SIGIRR: variants seen among roughly 807,000 people sequenced by gnomAD.
The protein encoded by SIGIRR is single Ig IL-1-related receptor.
In SIGIRR, 41 loss-of-function variants were observed where a neutral mutation model predicts 45.6. That is an observed-to-expected ratio of 0.90 (90% confidence interval 0.70 to 1.17). The LOEUF (loss-of-function observed/expected upper bound fraction) is 1.17, where lower values mean the gene tolerates loss of function less well. Among genes scored for constraint, SIGIRR ranks in the 50% most tolerant of loss-of-function variants. SIGIRR has a pLI of 0.00. For missense variants in SIGIRR, 599 were observed against 539.6 expected (o/e 1.11, Z -1.09); for synonymous variants, 298 against 239.0 (o/e 1.25, Z -2.28).
Position 405,871 on chromosome 11 carries a change from A to G in SIGIRR, c.*25T>C, listed in dbSNP as rs376867377. On this transcript the variant is annotated 3_prime_UTR_variant, in exon 10 of 10. Transcript: ENST00000431843. Reference sequence around the variant, plus strand: ...CGCTGCCCTGGCCCCCGCTGTCCCTATGATCCTGCACTCTGGGGTGGGAGC... The same window carrying G: ...CGCTGCCCTGGCCCCCGCTGTCCCTGTGATCCTGCACTCTGGGGTGGGAGC... 8.5e-5 allele frequency: 134 copies of G among 1,569,680 alleles called. 1 individual carries two copies. Among genetic ancestry groups the G allele is most frequent in the Middle Eastern group, 1.7e-4 (1 of 5,860 alleles).
In SIGIRR at chr11:406,908, C is replaced by T. The variant is rs529255062; in HGVS notation, c.814G>A (p.Ala272Thr). The T allele has an allele frequency of 8.7e-5, 139 of 1,592,050 alleles. 2 individuals are homozygous for T. In the South Asian group the frequency reaches 1.5e-3, roughly 17 times the overall value. ...EGQRRDPAHP[A>T]LRLLRQHRHL... ...CGGTGCTGGCGCAGCAGGCGGAGCG[C>T]CGGGTGCGCGGGGTCGCGCCTCTGG... The change falls in exon 8 of 10, where the codon GCG becomes ACG. Residue 272 changes from alanine to threonine, a missense_variant. Transcript: ENST00000431843.
Position 407,525 on chromosome 11 carries a change from G to C in SIGIRR, c.525C>G (p.Pro175=), listed in dbSNP as rs201992147. 6 of 1,608,908 alleles carry C rather than the reference G, an allele frequency of 3.7e-6. No individual in the cohort carries two copies. The highest frequency in any genetic ancestry group is 3.4e-5 in the Admixed American group (2 of 59,660). ...TGAAGTTCACGAACTTGCGGTCCTC[G>C]GGGCAGTCGCTGTAGGAGACGTAGG... ...YDAYVSYSDC[P]EDRKFVNFIL... is the part of the protein sequence containing the mutation. Residue 175 remains proline, a synonymous_variant, in exon 6 of 10, where the codon CCC becomes CCG. Coordinates refer to ENST00000431843, the MANE Select transcript of SIGIRR (RefSeq NM_001135054.2).
chr11:407,625 G>T, intron 5 of SIGIRR, 57 bp from the exon 6 acceptor site: 1 of 1,586,148 alleles, frequency 6.3e-7, no homozygotes, highest in Non-Finnish European at 8.6e-7. Flanking sequence ...CAGCCCTCGG[G>T]GTCCCCAACA....
Position 406,389 on chromosome 11 carries a change from G to C in SIGIRR, c.1029C>G (p.Ala343=). 5.0e-6 allele frequency: 8 copies of C among 1,612,654 alleles called. No individual in the cohort carries two copies. The highest frequency in any genetic ancestry group is 6.8e-6 in the Non-Finnish European group (8 of 1,179,874). The change falls in exon 9 of 10, where the codon GCC becomes GCG. Residue 343 remains alanine (A), a synonymous_variant. Coordinates refer to ENST00000431843, the MANE Select transcript of SIGIRR (RefSeq NM_001135054.2). ...GGTCCGGGTCCACCTCTGAGTCCAGGGCCCGGCCCTCAGGGACTCGGCCTC... is the reference window on the plus strand; with the variant it reads ...GGTCCGGGTCCACCTCTGAGTCCAGCGCCCGGCCCTCAGGGACTCGGCCTC... The part of the protein sequence containing the change: ...ILRGRVPEGR[A]LDSEVDPDPE...
rs1244374949 is a variant in SIGIRR, at chr11:405,750, G to C, written c.*146C>G. 3 of 941,052 alleles carry C rather than the reference G, an allele frequency of 3.2e-6. No individual in the cohort carries two copies. Among genetic ancestry groups the C allele is most frequent in the Non-Finnish European group, 4.6e-6 (3 of 650,038 alleles). 58.3% of individuals were successfully genotyped at this position (941,052 alleles called of 1,614,324 possible). Reference sequence around the variant, plus strand: ...AAAGGACTTTATTTTCTGGCACTGGGAGGCGCCCTGAGGCCACAGCCTTTT... The same window carrying C: ...AAAGGACTTTATTTTCTGGCACTGGCAGGCGCCCTGAGGCCACAGCCTTTT... On this transcript the variant is annotated 3_prime_UTR_variant, in exon 10 of 10. Transcript: ENST00000431843.
In SIGIRR at chr11:407,075, T is replaced by C. The variant is rs1215420854; in HGVS notation, c.715A>G (p.Ser239Gly). The change falls in exon 7 of 10, where the codon AGC becomes GGC. Residue 239 changes from serine (S) to glycine (G), a missense_variant. Physicochemically the swap from Ser to Gly is moderately conservative, Grantham distance 56. Transcript: ENST00000431843. Reference sequence around the variant, plus strand: ...CGCGGGACCCACCGGAAGCTGTGGCTGCACCAGGCCCGGCTCAGGAAGGCG... The same window carrying C: ...CGCGGGACCCACCGGAAGCTGTGGCCGCACCAGGCCCGGCTCAGGAAGGCG... The part of the protein sequence containing the change: ...SDAFLSRAWC[S>G]HSFREGLCRL... 6 of 1,578,624 alleles carry C rather than the reference T, an allele frequency of 3.8e-6. No individual in the cohort carries two copies. Among genetic ancestry groups the C allele is most frequent in the Admixed American group, 3.5e-5 (2 of 56,700 alleles).
At chr11:411,318 A>G (rs60562048) in intron 1 of SIGIRR, among the ~76,000 whole-genome samples, 16 of 884 alleles carry the variant, frequency 0.018, no homozygotes, top group African/African-American at 0.062. Flanking sequence ...ACAGTCGGGG[A>G]GGGGTGCCCA....
Position 405,841 on chromosome 11 carries a change from G to T in SIGIRR, c.*55C>A. On this transcript the variant is annotated 3_prime_UTR_variant, in exon 10 of 10. Transcript: ENST00000431843. ...TTGTGGTCCTGTTGAGCAGAGGAGC[G>T]ACGCCGCTGCCCTGGCCCCCGCTGT... 1 of 1,535,646 alleles carries T rather than the reference G, an allele frequency of 6.5e-7. No homozygotes were observed. The highest frequency in any genetic ancestry group is 1.2e-5 in the South Asian group (1 of 80,514).
In SIGIRR at chr11:406,526, C is replaced by T. The variant is rs1847312399; in HGVS notation, c.892G>A (p.Asp298Asn). 7.5e-6 allele frequency: 12 copies of T among 1,608,772 alleles called. No individual in the cohort carries two copies. Among genetic ancestry groups the T allele is most frequent in the African/African-American group, 1.3e-5 (1 of 74,982 alleles). The change falls in exon 9 of 10, where the codon GAT becomes AAT. Residue 298 changes from aspartate to asparagine, a missense_variant. Physicochemically the swap from Asp to Asn is conservative, Grantham distance 23. Coordinates refer to ENST00000431843, the MANE Select transcript of SIGIRR (RefSeq NM_001135054.2). Reference protein sequence around the residue: ...WRPGSVTPSSDFWKEVQLALP... With the variant: ...WRPGSVTPSSNFWKEVQLALP... Reference sequence around the variant, plus strand: ...GCCAGCTGCACTTCTTTCCAAAAATCGGAGGAAGGAGTCTGGGGGCCAGGT... The same window carrying T: ...GCCAGCTGCACTTCTTTCCAAAAATTGGAGGAAGGAGTCTGGGGGCCAGGT...
Position 406,477 on chromosome 11 carries a change from C to T in SIGIRR, c.941G>A (p.Arg314Lys), listed in dbSNP as rs1446134964. The change falls in exon 9 of 10, where the codon AGG becomes AAG. Residue 314 changes from arginine to lysine, a missense_variant. Physicochemically the swap from Arg to Lys is conservative, Grantham distance 26. Transcript: ENST00000431843. The part of the protein sequence containing the change: ...QLALPRKVQY[R>K]PVEGDPQTQL... ...CGTCTGGGGGTCTCCTTCCACAGGC[C>T]TGTACTGCACCTTCCGCGGCAGCGC... The T allele has an allele frequency of 1.2e-6, 2 of 1,612,278 alleles. No individual in the cohort carries two copies. Among genetic ancestry groups the T allele is most frequent in the African/African-American group, 1.3e-5 (1 of 74,946 alleles).
rs1419294502 is a variant in SIGIRR at position 407,406 on chromosome 11, G to C, written c.625+19C>G. ...CGGGCCCTCCGGGTGGGCGGGGCACGGGGTGGGGCCCGGGATACCAGCGCG... is the reference window on the plus strand; with the variant it reads ...CGGGCCCTCCGGGTGGGCGGGGCACCGGGTGGGGCCCGGGATACCAGCGCG... On this transcript the variant is annotated intron_variant, in intron 6 of 9. Transcript: ENST00000431843. 6.6e-7 allele frequency: 1 copy of C among 1,525,600 alleles called. No individual in the cohort carries two copies. Among genetic ancestry groups the C allele is most frequent in the Non-Finnish European group, 8.8e-7 (1 of 1,135,618 alleles). The allele number at this position is 1,525,600 out of a possible 1,614,324, so 94.5% of individuals were successfully genotyped here.
intron 9 of SIGIRR, 35 bp downstream of exon 9, chr11:406,314 T>C (rs1214760809): frequency 6.2e-7 from 1 of 1,606,690 alleles, no homozygotes; most frequent in South Asian, 1.1e-5. Flanking sequence ...TGTGCTGAGC[T>C]TCTCCAGTTG....
intron 1 of SIGIRR, among the ~76,000 whole-genome samples, chr11:410,283 A>G (rs576049652): frequency 6.6e-6 from 1 of 152,072 alleles, no homozygotes; most frequent in East Asian, 2.0e-4. Flanking sequence ...TGGGGCCACC[A>G]TGACGGCCCC....
At chr11:415,196 C>G (rs1407388395), upstream of SIGIRR, among the ~76,000 whole-genome samples, 2 of 142,780 alleles carry the variant, frequency 1.4e-5, no homozygotes, top group African/African-American at 2.6e-5. The surrounding 1 kb of genome is among the most constrained non-coding windows in gnomAD (Gnocchi z 6.6). Context: ...ACGGCACTTT[C>G]CTCTGTGCAG....
chr11:407,115 G>GCTATT lies in SIGIRR; in HGVS notation c.674_675insAATAG (p.Val226IlefsTer10). 1.3e-6 allele frequency: 2 copies of GCTATT among 1,544,494 alleles called. No homozygotes were observed. The highest frequency in any genetic ancestry group is 3.8e-5 in the Admixed American group (2 of 52,952). On this transcript the variant is annotated frameshift_variant, in exon 7 of 10. Transcript: ENST00000431843. LOFTEE classifies it high-confidence loss of function. Reference sequence around the variant, plus strand: ...TCAGGAAGGCGTCCGAAAGCACCACGATGAGGCGTCGGCAGCGGCTCAGGT... The same window carrying GCTATT: ...TCAGGAAGGCGTCCGAAAGCACCACGCTATTATGAGGCGTCGGCAGCGGCTCAGGT...
chr11:409,353 C>G (rs1847489266), intron 2 of SIGIRR: 7 of 308,030 alleles, frequency 2.3e-5, no homozygotes, highest in South Asian at 1.9e-4. Context: ...CCCAGATGCC[C>G]AGTGTGCCAG....
At chr11:406,631 G>A in intron 8 of SIGIRR, 93 bp from the exon 9 acceptor site, 2 of 1,468,206 alleles carry the variant, frequency 1.4e-6, no homozygotes, top group Admixed American at 5.0e-5. Context: ...CTGCCCACGG[G>A]TTCCACGCCC....
upstream of SIGIRR, among the ~76,000 whole-genome samples, chr11:416,030 G>A (rs1005421045): frequency 1.3e-5 from 2 of 152,110 alleles, no homozygotes; most frequent in Non-Finnish European, 2.9e-5. This position sits in a 1 kb window ranked among gnomAD's most constrained non-coding sequence, Gnocchi z 9.1. Flanking sequence ...CCTTTGTCCC[G>A]GTACTCAGCC....
upstream of SIGIRR, among the ~76,000 whole-genome samples, chr11:416,672 T>G (rs1847891842): frequency 1.3e-5 from 2 of 151,974 alleles, no homozygotes; most frequent in African/African-American, 2.4e-5. This position sits in a 1 kb window ranked among gnomAD's most constrained non-coding sequence, Gnocchi z 9.1. Context: ...CCGCTCCCCG[T>G]GCGCGCTGGG....
Sources: gnomAD v4.1 joint callset for allele counts (sites outside exome capture counted in the v4.1 genomes callset) on GRCh38, gnomAD v4.1.1 for gene constraint, Gnocchi (gnomAD v3.1) non-coding constraint, MANE v1.5 for transcripts, NCBI Gene and HGNC (gene_info 2026-07-23, HGNC 2026-07-21) for gene names.